TARS1: variants seen among roughly 807,000 people sequenced by gnomAD.
TARS1 encodes the protein threonyl-tRNA synthetase 1.
TARS1 carries 57 observed loss-of-function variants against 97.7 expected under a neutral mutation model. That is an observed-to-expected ratio of 0.58 (90% CI 0.47 to 0.73). TARS1 has a LOEUF of 0.73. Among genes scored for constraint, TARS1 ranks in the 30% least tolerant of loss-of-function variants. TARS1 has a pLI of 0.00. For missense variants in TARS1, 806 were observed against 888.3 expected (o/e 0.91, Z 1.18); for synonymous variants, 312 against 293.7 (o/e 1.06, Z -0.64).
intron 5 of TARS1, 125 bp from the exon 6 acceptor site, chr5:33,455,462 C>A: frequency 1.7e-6 from 1 of 572,892 alleles, no homozygotes; most frequent in Non-Finnish European, 3.0e-6. Context: ...AGATACGATG[C>A]AATAGTCTAA....
upstream of TARS1, chr5:33,440,846 A>C: frequency 1.8e-6 from 1 of 553,506 alleles, no homozygotes. Context: ...ATTTCCTAGA[A>C]GGGCTCTGTC....
chr5:33,462,274 T>C, intron 16 of TARS1, 71 bp downstream of exon 16: 17 of 1,333,984 alleles, frequency 1.3e-5, no homozygotes, highest in Non-Finnish European at 1.8e-5. Context: ...CTTTTCGATT[T>C]AATTATCAGA....
At chr5:33,455,939 A>G (rs1741994374) in intron 6 of TARS1, 63 bp from the exon 7 acceptor site, 1 of 1,417,666 alleles carries the variant, frequency 7.1e-7, no homozygotes, top group Non-Finnish European at 9.9e-7. Flanking sequence ...CGTTTTAGCT[A>G]TAGTACTTAG....
intron 1 of TARS1, 173 bp downstream of exon 1, chr5:33,441,316 C>T (rs911277518): frequency 1.8e-5 from 12 of 678,946 alleles, no homozygotes; most frequent in Non-Finnish European, 3.0e-5. Flanking sequence ...GGGAACCATC[C>T]ATTCATAAAT....
At chr5:33,452,837 A>G (rs1257238727) in intron 3 of TARS1, among the ~76,000 whole-genome samples, 1 of 151,928 alleles carries the variant, frequency 6.6e-6, no homozygotes, top group African/African-American at 2.4e-5. Context: ...GTGTATTAAG[A>G]GAAAACTCGG....
chr5:33,462,322 T>A, intron 16 of TARS1, 119 bp downstream of exon 16: 1 of 876,466 alleles, frequency 1.1e-6, no homozygotes, highest in Non-Finnish European at 1.8e-6. Flanking sequence ...TGCTTCTAAC[T>A]AACGACAAGT....
At chr5:33,448,815 T>C (rs1016838347) in intron 3 of TARS1, 84 bp downstream of exon 3, 20 of 1,131,104 alleles carry the variant, frequency 1.8e-5, no homozygotes, top group Admixed American at 8.5e-5. Flanking sequence ...TTTATTCTTA[T>C]AATATTTTTA....
At chr5:33,467,463 G>C in intron 18 of TARS1, 97 bp from the exon 19 acceptor site, 1 of 1,394,734 alleles carries the variant, frequency 7.2e-7, no homozygotes, top group Non-Finnish European at 9.6e-7. Context: ...CTATGGGGTA[G>C]GTTTTGGGTC....
intron 18 of TARS1, 64 bp downstream of exon 18, chr5:33,467,049 G>A (rs906149228): frequency 5.2e-6 from 5 of 967,426 alleles, no homozygotes; most frequent in Non-Finnish European, 7.6e-6. Flanking sequence ...GAAACCTTGA[G>A]ACAGGTTTAA....
chr5:33,463,825 G>C lies in TARS1; in HGVS notation c.1908G>C (p.Lys636Asn), dbSNP rs781663957. Residue 636 changes from lysine (K) to asparagine (N), a missense_variant and splice_region_variant, in exon 17 of 19, where the codon AAG (lysine) becomes AAC (asparagine). Physicochemically the swap from Lys to Asn is moderately conservative, Grantham distance 94. Transcript: ENST00000265112. ...CAACCTGTGATGAATATGCCCAAAAGGTAAGCCTTAGATATGAATTTTCTT... is the reference window on the plus strand; with the variant it reads ...CAACCTGTGATGAATATGCCCAAAACGTAAGCCTTAGATATGAATTTTCTT... ...VGPTCDEYAQ[K>N]VRQQFHDAKF... 2 of 1,609,610 alleles carry C rather than the reference G, an allele frequency of 1.2e-6. No individual in the cohort carries two copies. Among genetic ancestry groups the C allele is most frequent in the Non-Finnish European group, 1.7e-6 (2 of 1,177,422 alleles).
At chr5:33,465,768 C>A (rs1742502535) in intron 17 of TARS1, among the ~76,000 whole-genome samples, 1 of 152,060 alleles carries the variant, frequency 6.6e-6, no homozygotes, top group Non-Finnish European at 1.5e-5. Context: ...ACATAAATAA[C>A]CCTTGGTTTA....
chr5:33,457,376 A>G lies in TARS1; in HGVS notation c.957A>G (p.Lys319=). The G allele has an allele frequency of 6.2e-7, 1 of 1,614,096 alleles. No individual in the cohort carries two copies. Among genetic ancestry groups the G allele is most frequent in the Non-Finnish European group, 8.5e-7 (1 of 1,179,986 alleles). ...KEWEKFQEEA[K]NRDHRKIGRD... The stretch of plus-strand genomic sequence containing the variant: ...GGGAGAAGTTCCAAGAGGAAGCTAA[A>G]AACCGAGATCATAGGAAAATTGGCA... The change falls in exon 9 of 19, where the codon AAA becomes AAG. Residue 319 remains lysine (K), a synonymous_variant. Coordinates refer to ENST00000265112, the MANE Select transcript of TARS1 (RefSeq NM_152295.5).
intron 17 of TARS1, chr5:33,465,999 C>G (rs1742511857): frequency 6.6e-6 from 1 of 152,220 alleles, no homozygotes; most frequent in Non-Finnish European, 1.5e-5. Context: ...TTTCCAGAAA[C>G]TCTGACCCTT....
intron 17 of TARS1, among the ~76,000 whole-genome samples, chr5:33,464,358 G>A (rs1182392710): frequency 6.6e-6 from 1 of 152,172 alleles, no homozygotes; most frequent in Admixed American, 6.5e-5. Context: ...TCATTTTAAT[G>A]TAAATTTCTT....
At position 33,461,918 on chromosome 5, in the gene TARS1, A is replaced by T; in HGVS notation, c.1642A>T (p.Ile548Phe). 6.2e-7 allele frequency: 1 copy of T among 1,613,846 alleles called. No individual in the cohort carries two copies. Among genetic ancestry groups the T allele is most frequent in the Non-Finnish European group, 8.5e-7 (1 of 1,179,772 alleles). Residue 548 changes from isoleucine to phenylalanine, a missense_variant, in exon 15 of 19, where the codon ATT becomes TTT. Physicochemically the swap from Ile to Phe is conservative, Grantham distance 21. Coordinates refer to ENST00000265112, the MANE Select transcript of TARS1 (RefSeq NM_152295.5). ...CTTTGCTTCTTAGATTGACATACAG[A>T]TTAAAGATGCGATTGGGCGGTACCA... ...AFYGPKIDIQ[I>F]KDAIGRYHQC...
chr5:33,448,325 G>T (rs1045445893), intron 2 of TARS1, among the ~76,000 whole-genome samples: 1 of 152,214 alleles, frequency 6.6e-6, no homozygotes, highest in African/African-American at 2.4e-5. Context: ...AATGGTAATT[G>T]TCGATTCAGC....
intron 2 of TARS1, chr5:33,446,530 ATTAT>A (rs1274037840): frequency 4.3e-6 from 2 of 469,252 alleles, no homozygotes; most frequent in Non-Finnish European, 8.3e-6. Flanking sequence ...GGGACATGTG[ATTAT>A]TTATGTTTAA....
At chr5:33,445,250 C>A in intron 1 of TARS1, 74 bp from the exon 2 acceptor site, 1 of 1,127,366 alleles carries the variant, frequency 8.9e-7, no homozygotes. Flanking sequence ...ATAACATTCT[C>A]AACACTTCCT....
intron 13 of TARS1, 112 bp downstream of exon 13, chr5:33,461,407 G>C (rs1313223799): frequency 3.5e-6 from 5 of 1,421,450 alleles, no homozygotes; most frequent in Non-Finnish European, 4.7e-6. Flanking sequence ...AATTGGAAAT[G>C]GTTCCTAGGT....
Sources: gnomAD v4.1 joint callset for allele counts (sites outside exome capture counted in the v4.1 genomes callset) on GRCh38, gnomAD v4.1.1 for gene constraint, MANE v1.5 for transcripts, NCBI Gene and HGNC (gene_info 2026-07-23, HGNC 2026-07-21) for gene names.